Variants in PARD3B observed in about 807,000 individuals in gnomAD.
The protein encoded by PARD3B is partitioning defective 3 homolog B.
A neutral mutation model predicts 130.2 loss-of-function variants in PARD3B; 103 were observed. The ratio of observed to expected loss-of-function variants is 0.79; its 90% CI spans 0.67 to 0.93. The LOEUF (loss-of-function observed/expected upper bound fraction) is 0.93. Among genes scored for constraint, PARD3B ranks in the 40% least tolerant of loss-of-function variants. The pLI, the probability that PARD3B is intolerant of heterozygous loss-of-function variation, is 0.00. For synonymous variants in PARD3B, 583 were observed against 553.2 expected (o/e 1.05, Z -0.76); for missense variants, 1,609 against 1,499.2 (o/e 1.07, Z -1.21).
chr2:204,951,596 T>G (rs371234148), intron 2 of PARD3B, among the ~76,000 whole-genome samples: 3 of 152,218 alleles, frequency 2.0e-5, no homozygotes, highest in Non-Finnish European at 4.4e-5. Context: ...ATGAACTCTC[T>G]GAGAGAACCC....
At chr2:205,228,947 A>AT (rs911693601) in intron 15 of PARD3B, among the ~76,000 whole-genome samples, 3 of 152,186 alleles carry the variant, frequency 2.0e-5, no homozygotes, top group African/African-American at 7.2e-5. Flanking sequence ...TTTCTGTTTG[A>AT]TTCTTTTTAA....
At chr2:205,149,456 C>T (rs1299087784) in intron 10 of PARD3B, among the ~76,000 whole-genome samples, 1 of 152,164 alleles carries the variant, frequency 6.6e-6, no homozygotes, top group Non-Finnish European at 1.5e-5. Context: ...ACCCGTCCTC[C>T]TCTGTTCATC....
intron 1 of PARD3B, among the ~76,000 whole-genome samples, chr2:204,671,407 C>A (rs1549014): frequency 0.69 from 104,143 of 151,914 alleles, 38,349 homozygotes; most frequent in South Asian, 0.81. Context: ...TGTCAGGCAG[C>A]TTTTGTTCAC....
At chr2:205,203,441 ATACTTT>A (rs984287383) in intron 15 of PARD3B, among the ~76,000 whole-genome samples, 5 of 144,480 alleles carry the variant, frequency 3.5e-5, no homozygotes, top group African/African-American at 5.1e-5. Flanking sequence ...TTTTTTTACT[ATACTTT>A]TACTTTTTAC....
Position 205,253,250 on chromosome 2 carries a change from A to T in PARD3B, c.2185+7428A>T, listed in dbSNP as rs111973670. Reference sequence around the variant, plus strand: ...ACTTCTTGATAACAAGAGTGAGAAGATAGAGACAGGGTAGATAGACACTTA... The same window carrying T: ...ACTTCTTGATAACAAGAGTGAGAAGTTAGAGACAGGGTAGATAGACACTTA... On this transcript the variant is annotated intron_variant, in intron 16 of 22. Transcript: ENST00000406610. This position sits in a 1 kb window ranked among gnomAD's most constrained non-coding sequence, Gnocchi z 4.4. 49 of 454,816 alleles carry T rather than the reference A, an allele frequency of 1.1e-4. 3 individuals carry two copies. Among genetic ancestry groups the T allele is most frequent in the African/African-American group, 4.2e-4 (21 of 50,048 alleles). The allele number at this position is 454,816 out of a possible 1,614,324, so 28.2% of individuals were successfully genotyped here. A position where few individuals can be genotyped will look rare whatever the true frequency, so the allele number is the denominator to read the frequency against.
At chr2:205,482,656 G>C (rs778504808) in intron 20 of PARD3B, 1 of 152,160 alleles carries the variant, frequency 6.6e-6, no homozygotes, top group African/African-American at 2.4e-5. Context: ...GACAAGGGCA[G>C]TGGGGGCCTG....
intron 18 of PARD3B, among the ~76,000 whole-genome samples, chr2:205,398,005 A>G (rs900421692): frequency 3.8e-4 from 58 of 152,156 alleles, no homozygotes; most frequent in African/African-American, 1.4e-3. Flanking sequence ...TATATTTGAA[A>G]GTTAATGTTC....
At position 204,892,819 on chromosome 2, in the gene PARD3B, GAA is replaced by G. The variant is rs1326429333; in HGVS notation, c.223-72331_223-72330del. Among the ~76,000 whole-genome samples, 7 of 152,302 alleles carry G rather than the reference GAA, an allele frequency of 4.6e-5. No individual in the cohort carries two copies. In the East Asian group the frequency reaches 1.4e-3, roughly 29 times the overall value. ...GAAGGGAGTCCTTTTCTTGAGATGAGAAAGACTGGTTGAAAGATCTGGGCTGG... is the reference window on the plus strand; with the variant it reads ...GAAGGGAGTCCTTTTCTTGAGATGAGAGACTGGTTGAAAGATCTGGGCTGG... On this transcript the variant is annotated intron_variant, in intron 2 of 22. Coordinates refer to ENST00000406610, the MANE Select transcript of PARD3B (RefSeq NM_001302769.2).
chr2:205,449,321 C>T (rs1485629072), intron 20 of PARD3B, among the ~76,000 whole-genome samples: 1 of 151,648 alleles, frequency 6.6e-6, no homozygotes. Context: ...CCTCCACCTC[C>T]CAGGTTCAAG....
At chr2:205,242,205 ATCACCCATTTGGATT>A (rs72275777) in intron 15 of PARD3B, among the ~76,000 whole-genome samples, 16,658 of 152,114 alleles carry the variant, frequency 0.11, 998 homozygotes, top group African/African-American at 0.17. Flanking sequence ...TTTTATGCCT[ATCACCCATTTGGATT>A]TTCTACAATG....
chr2:205,541,513 T>C (rs1293616036), intron 21 of PARD3B, among the ~76,000 whole-genome samples: 1 of 152,066 alleles, frequency 6.6e-6, no homozygotes, highest in Non-Finnish European at 1.5e-5. Flanking sequence ...CACGCCCAGA[T>C]AATTTTTGTA....
At chr2:204,556,426 TG>T (rs2030925661) in intron 1 of PARD3B, among the ~76,000 whole-genome samples, 1 of 152,144 alleles carries the variant, frequency 6.6e-6, no homozygotes. Context: ...GGCACACACG[TG>T]AATAAGCCAG....
intron 20 of PARD3B, among the ~76,000 whole-genome samples, chr2:205,496,494 A>C (rs2049930900): frequency 6.6e-6 from 1 of 152,190 alleles, no homozygotes; most frequent in Non-Finnish European, 1.5e-5. Context: ...ACAAGGGAGA[A>C]GATACAGCAT....
At chr2:204,972,321 T>A (rs896909035) in intron 3 of PARD3B, among the ~76,000 whole-genome samples, 5 of 152,142 alleles carry the variant, frequency 3.3e-5, no homozygotes, top group African/African-American at 1.2e-4. Flanking sequence ...CATGCTATAG[T>A]TTTATAAATG....
At chr2:204,642,123 G>T (rs1471001916) in intron 1 of PARD3B, among the ~76,000 whole-genome samples, 1 of 152,166 alleles carries the variant, frequency 6.6e-6, no homozygotes, top group African/African-American at 2.4e-5. Context: ...CAGCCCATTT[G>T]ACCCTCTGAT....
At chr2:205,185,657 G>A in intron 13 of PARD3B, 107 bp from the exon 14 acceptor site, 2 of 812,934 alleles carry the variant, frequency 2.5e-6, no homozygotes, top group Non-Finnish European at 4.2e-6. Flanking sequence ...TTCAGGGCTG[G>A]TTTATGTGTT....
At chr2:205,439,517 A>G (rs574342399) in intron 19 of PARD3B, among the ~76,000 whole-genome samples, 33 of 152,256 alleles carry the variant, frequency 2.2e-4, no homozygotes, top group African/African-American at 7.5e-4. Flanking sequence ...CTGATTTAAC[A>G]CTTTCCAGAT....
Position 205,616,553 on chromosome 2 carries a change from A to G in PARD3B, c.*740A>G, listed in dbSNP as rs188153352. ...CAGCTGGTCAGAGCTTCCAGAAGGAATATCTTCCGAGGACTAAGGTGATCA... is the reference window on the plus strand; with the variant it reads ...CAGCTGGTCAGAGCTTCCAGAAGGAGTATCTTCCGAGGACTAAGGTGATCA... On this transcript the variant is annotated 3_prime_UTR_variant, in exon 23 of 23. Coordinates refer to ENST00000406610, the MANE Select transcript of PARD3B (RefSeq NM_001302769.2). The G allele has an allele frequency of 1.8e-4, 28 of 152,348 alleles. No individual in the cohort carries two copies. Among genetic ancestry groups the G allele is most frequent in the African/African-American group, 6.5e-4 (27 of 41,562 alleles). The allele number at this position is 152,348 out of a possible 1,614,324, so 9.4% of individuals were successfully genotyped here.
intron 21 of PARD3B, among the ~76,000 whole-genome samples, chr2:205,552,665 C>T (rs969261853): frequency 2.0e-5 from 3 of 152,074 alleles, no homozygotes; most frequent in Admixed American, 1.3e-4. Context: ...CGCCTCTTGA[C>T]CTCCGAACAA....
Sources: allele counts gnomAD v4.1 joint callset (sites outside exome capture counted in the v4.1 genomes callset), GRCh38; gene constraint gnomAD v4.1.1; non-coding constraint Gnocchi (gnomAD v3.1); transcripts MANE v1.5; gene names NCBI Gene and HGNC (gene_info 2026-07-23, HGNC 2026-07-21).